The following CFAP70 variants were observed in gnomAD, a reference collection of about 807,000 sequenced individuals.
The protein encoded by CFAP70 is cilia and flagella associated protein 70.
Under a neutral mutation model 137.6 loss-of-function variants are expected in CFAP70, and 81 were observed. That is an observed-to-expected ratio of 0.59 (90% CI 0.49 to 0.71). CFAP70 has a LOEUF of 0.71. CFAP70 is among the 30% of genes least tolerant of loss of function. The pLI is 0.00. For missense variants in CFAP70, 976 were observed against 1,226.7 expected, an observed-to-expected ratio of 0.80 and a Z score of 3.05; for synonymous variants, 382 against 423.6, an observed-to-expected ratio of 0.90 and a Z score of 1.20.
At chr10:73,260,041 A>T (rs879534416) in intron 25 of CFAP70, among the ~76,000 whole-genome samples, 2 of 151,356 alleles carry the variant, frequency 1.3e-5, no homozygotes, top group Admixed American at 1.3e-4. Flanking sequence ...AAAAAAAGAA[A>T]AAAAAAGGAC....
chr10:73,261,266 A>G (rs1197368557), intron 25 of CFAP70, among the ~76,000 whole-genome samples: 8 of 152,140 alleles, frequency 5.3e-5, no homozygotes, highest in Non-Finnish European at 8.8e-5. Context: ...ACATGGGACT[A>G]CAGGCACATG....
At position 73,348,143 on chromosome 10, in the gene CFAP70, A is replaced by C. The variant is rs747148169; in HGVS notation, c.349+280T>G. Reference sequence around the variant, plus strand: ...TGGCAGGCTGAAATGTTGAGAGCTAAAACTCTGATTACCTTAGCACTTGAT... The same window carrying C: ...TGGCAGGCTGAAATGTTGAGAGCTACAACTCTGATTACCTTAGCACTTGAT... On this transcript the variant is annotated intron_variant, in intron 4 of 26. Transcript: ENST00000310715. 1.9e-6 allele frequency: 3 copies of C among 1,612,656 alleles called. No homozygotes were observed. The South Asian group carries it at 3.3e-5, about 18-fold the overall frequency.
chr10:73,355,205 C>A (rs974151103), intron 1 of CFAP70, among the ~76,000 whole-genome samples: 2 of 152,164 alleles, frequency 1.3e-5, no homozygotes, highest in Non-Finnish European at 2.9e-5. Flanking sequence ...AAGCAGCAGG[C>A]GAGCAAGCAA....
chr10:73,344,156 G>T (rs1437194542), intron 5 of CFAP70, among the ~76,000 whole-genome samples: 1 of 151,816 alleles, frequency 6.6e-6, no homozygotes, highest in East Asian at 1.9e-4. Context: ...TAGAGACAGG[G>T]TTTCACCATG....
intron 8 of CFAP70, among the ~76,000 whole-genome samples, 170 bp from the exon 10 acceptor site, chr10:73,323,267 A>C (rs1393594360): frequency 2.0e-5 from 3 of 147,764 alleles, no homozygotes; most frequent in African/African-American, 7.5e-5. Context: ...CTTTATCTTC[A>C]AAATGGGTTT....
At chr10:73,345,566 G>A (rs7900185) in intron 4 of CFAP70, among the ~76,000 whole-genome samples, 16,075 of 152,098 alleles carry the variant, frequency 0.11, 1,232 homozygotes, top group East Asian at 0.3. Flanking sequence ...AGCACTTTGG[G>A]AGCCAAGGCA....
intron 19 of CFAP70, among the ~76,000 whole-genome samples, chr10:73,281,152 T>C (rs1022808732): frequency 6.6e-6 from 1 of 152,156 alleles, no homozygotes; most frequent in Non-Finnish European, 1.5e-5. Context: ...GATTTCTTCT[T>C]TGACCTGTGG....
At chr10:73,298,120 A>G (rs2048676400) in intron 14 of CFAP70, among the ~76,000 whole-genome samples, 1 of 152,156 alleles carries the variant, frequency 6.6e-6, no homozygotes, top group Admixed American at 6.5e-5. Context: ...CTGGATCCAG[A>G]CTGCCTGAAT....
chr10:73,287,757 CCTAGAGGGTAAG>C (rs1346114459), intron 19 of CFAP70, among the ~76,000 whole-genome samples: 1 of 152,004 alleles, frequency 6.6e-6, no homozygotes, highest in East Asian at 1.9e-4. Context: ...ACCCATCAGG[CCTAGAGGGTAAG>C]CACTGAGAAC....
intron 8 of CFAP70, among the ~76,000 whole-genome samples, chr10:73,330,528 C>T (rs1347137321): frequency 6.6e-6 from 1 of 150,730 alleles, no homozygotes; most frequent in Non-Finnish European, 1.5e-5. Context: ...CCAATACTTA[C>T]ATACTACAAA....
intron 3 of CFAP70, among the ~76,000 whole-genome samples, chr10:73,352,195 T>C (rs904369655): frequency 3.3e-5 from 5 of 152,192 alleles, no homozygotes; most frequent in Non-Finnish European, 5.9e-5. Flanking sequence ...ACTAACATTA[T>C]GAGGGGTGGG....
At chr10:73,339,536 A>G (rs1458499406) in intron 6 of CFAP70, among the ~76,000 whole-genome samples, 1 of 152,180 alleles carries the variant, frequency 6.6e-6, no homozygotes, top group East Asian at 1.9e-4. Context: ...CTGGCAGGCT[A>G]TGCTAGGCTT....
At chr10:73,283,303 G>A (rs2047400488) in intron 19 of CFAP70, among the ~76,000 whole-genome samples, 2 of 152,192 alleles carry the variant, frequency 1.3e-5, no homozygotes, top group African/African-American at 4.8e-5. Context: ...GAAAGAATGT[G>A]TACCTTGCTG....
intron 23 of CFAP70, among the ~76,000 whole-genome samples, chr10:73,273,489 T>C (rs942855178): frequency 1.3e-5 from 2 of 152,226 alleles, no homozygotes; most frequent in Non-Finnish European, 2.9e-5. Context: ...AGACAAACTT[T>C]CAAAGGACAT....
At position 73,293,265 on chromosome 10, in the gene CFAP70, C is replaced by A; in HGVS notation, c.1768G>T (p.Glu590Ter). ...TCACTGGGAAGATGTTTAATTACCT[C>A]TTTATAATATGCTGCTGCCATCTCA... Residue 590 changes from glutamate to a stop codon, truncating the protein, a stop_gained and splice_region_variant, in exon 16 of 27, where the codon GAG (glutamate) becomes TAG (stop). Transcript: ENST00000310715. LOFTEE classifies it high-confidence loss of function. The A allele has an allele frequency of 1.2e-6, 2 of 1,607,028 alleles. No individual in the cohort carries two copies. The highest frequency in any genetic ancestry group is 8.5e-7 in the Non-Finnish European group (1 of 1,177,894).
At chr10:73,301,740 T>G (rs2048970069) in intron 12 of CFAP70, among the ~76,000 whole-genome samples, 1 of 152,210 alleles carries the variant, frequency 6.6e-6, no homozygotes, top group Non-Finnish European at 1.5e-5. Flanking sequence ...TAAAAGCCAC[T>G]GAATTGTACA....
intron 8 of CFAP70, among the ~76,000 whole-genome samples, chr10:73,326,606 G>T (rs571731335): frequency 0.043 from 6,518 of 150,696 alleles, 354 homozygotes; most frequent in African/African-American, 0.14. Flanking sequence ...TAATAAAGAA[G>T]AAAAGAGAGA....
chr10:73,347,222 A>G (rs2053785958), intron 4 of CFAP70, among the ~76,000 whole-genome samples: 1 of 152,310 alleles, frequency 6.6e-6, no homozygotes, highest in East Asian at 1.9e-4. Flanking sequence ...ATGCCTGCTA[A>G]GCAATCTGGA....
intron 12 of CFAP70, among the ~76,000 whole-genome samples, chr10:73,303,411 T>G (rs745340484): frequency 3.9e-5 from 6 of 152,050 alleles, no homozygotes; most frequent in African/African-American, 1.4e-4. Context: ...GTAGAGACAG[T>G]GTTTCACTGT....
Sources: allele counts gnomAD v4.1 joint callset (sites outside exome capture counted in the v4.1 genomes callset), GRCh38; gene constraint gnomAD v4.1.1; transcripts MANE v1.5; gene names NCBI Gene and HGNC (gene_info 2026-07-23, HGNC 2026-07-21).